SCAP: variants seen among roughly 807,000 people sequenced by gnomAD.
The protein encoded by SCAP is SREBF chaperone.
A neutral mutation model predicts 123.6 loss-of-function variants in SCAP; 65 were observed. That is an observed-to-expected ratio of 0.53 (90% CI 0.43 to 0.65). The LOEUF is 0.65. Ranked by LOEUF, SCAP falls within the 30% of genes least tolerant of loss-of-function variation. SCAP has a pLI of 0.00. For synonymous variants in SCAP, 740 were observed against 726.3 expected, an observed-to-expected ratio of 1.02 and a Z score of -0.30; for missense variants, 1,398 against 1,712.5, an observed-to-expected ratio of 0.82 and a Z score of 3.24.
chr3:47,455,494 C>G (rs1707386178), intron 1 of SCAP, among the ~76,000 whole-genome samples: 1 of 149,376 alleles, frequency 6.7e-6, no homozygotes, highest in Non-Finnish European at 1.5e-5. Flanking sequence ...ACTCAGGAAA[C>G]TGAGGCAGGA....
intron 16 of SCAP, 35 bp downstream of exon 16, chr3:47,418,099 G>A (rs545311680): frequency 6.7e-7 from 1 of 1,502,944 alleles, no homozygotes; most frequent in Non-Finnish European, 9.0e-7. Flanking sequence ...GGGGGGTTGT[G>A]GGGGCACAAA....
chr3:47,422,498 C>A lies in SCAP; in HGVS notation c.1189G>T (p.Ala397Ser). ...SESWSIMKNM[A>S]TELGIILIGY... ...ATGAGGATGATGCCCAGCTCCGTGG[C>A]CATGTTCTTCATGATGGACCAGCTC... is the stretch of plus-strand genomic sequence containing the variant. The change falls in exon 10 of 23, where the codon GCC (alanine) becomes TCC (serine). Residue 397 changes from alanine (A) to serine (S), a missense_variant. Transcript: ENST00000265565. 6.2e-7 allele frequency: 1 copy of A among 1,613,674 alleles called. No homozygotes were observed.
intron 9 of SCAP, 187 bp from the exon 10 acceptor site, chr3:47,422,723 A>C: frequency 1.9e-6 from 1 of 521,940 alleles, no homozygotes; most frequent in Non-Finnish European, 3.4e-6. Flanking sequence ...GGCCATCACC[A>C]CCACACAGCT....
At chr3:47,473,596 A>G (rs527817238) in intron 1 of SCAP, among the ~76,000 whole-genome samples, 1 of 152,270 alleles carries the variant, frequency 6.6e-6, no homozygotes, top group South Asian at 2.1e-4. Context: ...TACCTGTCAG[A>G]GCCGGTAAAA....
chr3:47,447,874 G>T (rs959777518), intron 1 of SCAP, among the ~76,000 whole-genome samples: 4 of 151,494 alleles, frequency 2.6e-5, no homozygotes, highest in Admixed American at 2.0e-4. Flanking sequence ...GCATGGTGGC[G>T]TGTGCCTGTA....
Position 47,414,610 on chromosome 3 carries a change from C to A in SCAP, c.3349G>T (p.Gly1117Cys). Residue 1117 changes from glycine to cysteine, a missense_variant, in exon 21 of 23, where the codon GGC becomes TGC. Gly to Cys is a radical substitution (Grantham distance 159, BLOSUM62 -3). This residue lies in a region of SCAP where 44 missense variants were observed against 64.4 expected (regional missense o/e 0.68). Transcript: ENST00000265565. ...EDSCCLFTLQ[G>C]HSGAITTVYI... ...ACGGTCGTGATGGCCCCTGAGTGGC[C>A]CTGAAGGGTGAAGAGGCAGCACGAG... The A allele has an allele frequency of 6.2e-7, 1 of 1,613,384 alleles. No homozygotes were observed. The highest frequency in any genetic ancestry group is 8.5e-7 in the Non-Finnish European group (1 of 1,180,008).
intron 1 of SCAP, among the ~76,000 whole-genome samples, chr3:47,447,183 C>T (rs1204294607): frequency 2.0e-5 from 3 of 151,690 alleles, no homozygotes; most frequent in Non-Finnish European, 4.4e-5. Context: ...GTGGGCGGAT[C>T]GCTTGAGGCC....
chr3:47,448,764 G>C (rs1707147687), intron 1 of SCAP, among the ~76,000 whole-genome samples: 1 of 151,956 alleles, frequency 6.6e-6, no homozygotes, highest in African/African-American at 2.4e-5. Context: ...TTATAGCAAG[G>C]TTTTAATTAA....
In SCAP at chr3:47,415,105, C is replaced by G; in HGVS notation, c.3132G>C (p.Gln1044His). 1.2e-6 allele frequency: 2 copies of G among 1,608,792 alleles called. No individual in the cohort carries two copies. Among genetic ancestry groups the G allele is most frequent in the African/African-American group, 1.3e-5 (1 of 74,796 alleles). ...CACCCCAGGCCCTCCGACCTCTAAA[C>G]TGCAGGGGGCTGAGGGCAGTGTGGG... ...LETHTALSPLQFRGTPGRGSS... is the reference protein window; with the variant it reads ...LETHTALSPLHFRGTPGRGSS... Residue 1044 changes from glutamine to histidine, a missense_variant, in exon 19 of 23, where the codon CAG (glutamine) becomes CAC (histidine). Transcript: ENST00000265565.
Position 47,420,998 on chromosome 3 carries a change from A to G in SCAP, c.1277T>C (p.Val426Ala), listed in dbSNP as rs1232824085. 6.2e-7 allele frequency: 1 copy of G among 1,613,848 alleles called. No individual in the cohort carries two copies. Among genetic ancestry groups the G allele is most frequent in the Non-Finnish European group, 8.5e-7 (1 of 1,180,010 alleles). Residue 426 changes from valine to alanine, a missense_variant, in exon 11 of 23, where the codon GTG becomes GCG. This residue lies in a region of SCAP where 66 missense variants were observed against 116.3 expected (regional missense o/e 0.57). Transcript: ENST00000265565. This position sits in a 1 kb window ranked among gnomAD's most constrained non-coding sequence, Gnocchi z 5.0. The part of the protein sequence containing the change: ...EFCLFAVVGL[V>A]SDFFLQMLFF... ...CAGCATCTGAAGGAAGAAGTCAGACACCAGCCCCACGACAGCAAAGAGACA... is the reference window on the plus strand; with the variant it reads ...CAGCATCTGAAGGAAGAAGTCAGACGCCAGCCCCACGACAGCAAAGAGACA...
chr3:47,422,558 C>G, intron 9 of SCAP, 22 bp from the exon 10 acceptor site: 1 of 1,575,956 alleles, frequency 6.3e-7, no homozygotes, highest in Non-Finnish European at 8.7e-7. Flanking sequence ...AGCAACAGGG[C>G]ACAGGGCAAC....
intron 2 of SCAP, among the ~76,000 whole-genome samples, chr3:47,438,975 TAAC>T (rs1299560138): frequency 3.3e-5 from 5 of 152,138 alleles, no homozygotes; most frequent in Non-Finnish European, 7.3e-5. Context: ...CAGTGAATAA[TAAC>T]AATGAAAAAC....
intron 1 of SCAP, among the ~76,000 whole-genome samples, chr3:47,448,069 G>A (rs1329802447): frequency 2.1e-5 from 3 of 141,888 alleles, no homozygotes; most frequent in African/African-American, 7.8e-5. Flanking sequence ...CATTAAACCT[G>A]TTTATCAAAT....
chr3:47,417,401 G>A lies in SCAP; in HGVS notation c.2873C>T (p.Pro958Leu), dbSNP rs1337518297. 6.3e-7 allele frequency: 1 copy of A among 1,587,434 alleles called. No individual in the cohort carries two copies. The highest frequency in any genetic ancestry group is 1.1e-5 in the South Asian group (1 of 87,802). ...GGCACTGGGGGCCCAGGCGAGGGAA[G>A]GGGAGCCTTTCTCGGGGGAGCCACC... ...DEGGSPEKGS[P>L]SLAWAPSAEG... The change falls in exon 17 of 23, where the codon CCT becomes CTT. Residue 958 changes from proline (P) to leucine (L), a missense_variant. By Grantham distance (98) the Pro-to-Leu change is moderately conservative. Around this residue, in one of 7 missense-constraint regions of SCAP, gnomAD observed 828 missense variants for 882.5 expected, o/e 0.94. Coordinates refer to ENST00000265565, the MANE Select transcript of SCAP (RefSeq NM_012235.4).
At chr3:47,455,594 C>CAAAAA (rs544006040) in intron 1 of SCAP, among the ~76,000 whole-genome samples, 3 of 42,394 alleles carry the variant, frequency 7.1e-5, no homozygotes, top group Middle Eastern at 0.011. Flanking sequence ...GACTCCACCT[C>CAAAAA]AAAAAAAAAA....
rs1034705899 is a variant in SCAP at position 47,415,995 on chromosome 3, G to A, written c.3057-815C>T. Among the ~76,000 whole-genome samples, 3 of 152,216 alleles carry A rather than the reference G, an allele frequency of 2.0e-5. No homozygotes were observed. The East Asian group carries it at 5.8e-4, about 29-fold the overall frequency. On this transcript the variant is annotated intron_variant, in intron 18 of 22. Coordinates refer to ENST00000265565, the MANE Select transcript of SCAP (RefSeq NM_012235.4). The stretch of plus-strand genomic sequence containing the variant: ...TGGAGGGGCCTGGTGAAATTGGCCA[G>A]GCTGGAGGGGAGGATGTCAGCCAAA...
At chr3:47,473,640 C>T (rs1300556281) in intron 1 of SCAP, among the ~76,000 whole-genome samples, 1 of 152,132 alleles carries the variant, frequency 6.6e-6, no homozygotes, top group African/African-American at 2.4e-5. Context: ...AGTAAGCAAA[C>T]AGCACATGAA....
intron 3 of SCAP, among the ~76,000 whole-genome samples, chr3:47,433,875 AT>A (rs1275257770): frequency 6.6e-6 from 1 of 152,036 alleles, no homozygotes; most frequent in Non-Finnish European, 1.5e-5. Context: ...TCTCAAAACA[AT>A]AAAAAAAAAA....
intron 1 of SCAP, among the ~76,000 whole-genome samples, chr3:47,461,153 T>C (rs1375802546): frequency 1.3e-5 from 2 of 152,072 alleles, no homozygotes; most frequent in African/African-American, 4.8e-5. Flanking sequence ...CCCTCCACAC[T>C]CTTCAAGGCA....
Sources: gnomAD v4.1 joint callset for allele counts (sites outside exome capture counted in the v4.1 genomes callset) on GRCh38, gnomAD v4.1.1 for gene constraint, gnomAD v4.1.1 regional missense constraint, Gnocchi (gnomAD v3.1) non-coding constraint, MANE v1.5 for transcripts, NCBI Gene and HGNC (gene_info 2026-07-23, HGNC 2026-07-21) for gene names.